The following PKHD1 variants were observed in gnomAD, a reference collection of about 807,000 sequenced individuals.
The protein encoded by PKHD1 is fibrocystin.
PKHD1 carries 291 observed loss-of-function variants against 412.0 expected under a neutral mutation model. The observed-to-expected ratio is 0.71, with a 90% CI of 0.64 to 0.78. PKHD1 has a LOEUF of 0.78. PKHD1 is among the 30% of genes least tolerant of loss of function. The probability of loss-of-function intolerance (pLI) is 0.00; values close to 1 mark genes in which losing one functional copy is unlikely to be tolerated. For missense variants in PKHD1, 4,825 were observed against 4,950.7 expected (o/e 0.97, Z 0.76); for synonymous variants, 1,777 against 1,821.5 (o/e 0.98, Z 0.62).
intron 37 of PKHD1, among the ~76,000 whole-genome samples, chr6:51,926,293 G>A (rs4711990): frequency 2.0e-5 from 3 of 151,864 alleles, no homozygotes; most frequent in Non-Finnish European, 4.4e-5. Flanking sequence ...ACCAAGAGTC[G>A]CAGAGAAACA....
At chr6:51,988,913 A>G (rs561983799) in intron 35 of PKHD1, among the ~76,000 whole-genome samples, 1 of 152,360 alleles carries the variant, frequency 6.6e-6, no homozygotes, top group East Asian at 1.9e-4. Flanking sequence ...AACTTGTGCC[A>G]ACTAACGATG....
chr6:51,746,430 A>C (rs2150972124), intron 59 of PKHD1, among the ~76,000 whole-genome samples: 1 of 152,294 alleles, frequency 6.6e-6, no homozygotes, highest in South Asian at 2.1e-4. Context: ...CTTGCACTTC[A>C]TTACTTCTGC....
intron 49 of PKHD1, 84 bp downstream of exon 49, chr6:51,855,809 C>T: frequency 9.5e-7 from 1 of 1,056,392 alleles, no homozygotes; most frequent in Non-Finnish European, 1.5e-6. Flanking sequence ...ATAACCTGCT[C>T]CTCTTTCAAC....
intron 12 of PKHD1, 83 bp from the exon 13 acceptor site, chr6:52,065,133 T>TTA (rs369093047): frequency 1.1e-3 from 146 of 132,266 alleles, no homozygotes; most frequent in Middle Eastern, 2.9e-3. Flanking sequence ...ATATGTATAA[T>TTA]TATATATATA....
chr6:51,904,919 G>T (rs1395727665), intron 41 of PKHD1, among the ~76,000 whole-genome samples: 1 of 152,150 alleles, frequency 6.6e-6, no homozygotes, highest in Non-Finnish European at 1.5e-5. Flanking sequence ...TGACTTCCCT[G>T]TGGCTGTCCT....
intron 60 of PKHD1, among the ~76,000 whole-genome samples, chr6:51,738,181 C>T (rs1784100777): frequency 6.6e-6 from 1 of 152,236 alleles, no homozygotes; most frequent in South Asian, 2.1e-4. Context: ...TGCACAGCTT[C>T]CTGGCTGCAC....
chr6:51,827,713 A>C (rs1013180853), intron 52 of PKHD1, among the ~76,000 whole-genome samples: 1 of 152,130 alleles, frequency 6.6e-6, no homozygotes, highest in African/African-American at 2.4e-5. Flanking sequence ...TATGTGTTTT[A>C]TTAACCCAGC....
At chr6:51,743,681 C>G (rs1230511732) in intron 60 of PKHD1, among the ~76,000 whole-genome samples, 1 of 151,932 alleles carries the variant, frequency 6.6e-6, no homozygotes, top group Non-Finnish European at 1.5e-5. Context: ...ACAAGGGAGA[C>G]CAGAAAAGAA....
intron 37 of PKHD1, 44 bp downstream of exon 37, chr6:51,934,066 G>GA (rs778592880): frequency 8.3e-6 from 12 of 1,446,578 alleles, no homozygotes; most frequent in Non-Finnish European, 1.2e-5. Flanking sequence ...TCCACTGCTA[G>GA]ACACAGCTCT....
rs368178645 is a variant in PKHD1, at chr6:51,830,889, G to A, written c.8274C>T (p.Gly2758=). Reference sequence around the variant, plus strand: ...GTAAAATGAGAACGTCATCCCCAGGGCCTGGAATGGTATTGTTGTATCCTC... The same window carrying A: ...GTAAAATGAGAACGTCATCCCCAGGACCTGGAATGGTATTGTTGTATCCTC... The part of the protein sequence containing the change: ...GWGGYNNTIP[G]PGDDVLILPN... Residue 2758 remains glycine (G), a synonymous_variant, in exon 52 of 67, where the codon GGC becomes GGT. Coordinates refer to ENST00000371117, the MANE Select transcript of PKHD1 (RefSeq NM_138694.4). 1.2e-6 allele frequency: 2 copies of A among 1,612,730 alleles called. No homozygotes were observed. The highest frequency in any genetic ancestry group is 4.5e-5 in the East Asian group (2 of 44,846).
intron 35 of PKHD1, among the ~76,000 whole-genome samples, chr6:52,005,605 C>A (rs1042101157): frequency 2.0e-5 from 3 of 152,152 alleles, no homozygotes; most frequent in Admixed American, 6.6e-5. Flanking sequence ...CTGAAGATGA[C>A]CTTTCCCAAC....
At chr6:51,818,780 T>A (rs1327842943) in intron 52 of PKHD1, among the ~76,000 whole-genome samples, 2 of 152,118 alleles carry the variant, frequency 1.3e-5, no homozygotes, top group Non-Finnish European at 2.9e-5. Flanking sequence ...TCCTTTCTCC[T>A]TTCTGCTGCC....
At chr6:51,989,384 G>A (rs1026925115) in intron 35 of PKHD1, among the ~76,000 whole-genome samples, 8 of 152,194 alleles carry the variant, frequency 5.3e-5, no homozygotes, top group African/African-American at 1.9e-4. Context: ...TTGGTGCAGT[G>A]ATACTGAGCA....
chr6:51,857,247 C>A (rs1410669064), intron 48 of PKHD1, among the ~76,000 whole-genome samples: 1 of 151,934 alleles, frequency 6.6e-6, no homozygotes. Context: ...TATGACTGTT[C>A]TTCCTCCTTT....
At chr6:51,707,646 C>T (rs563902873) in intron 60 of PKHD1, among the ~76,000 whole-genome samples, 1 of 152,106 alleles carries the variant, frequency 6.6e-6, no homozygotes, top group East Asian at 1.9e-4. Context: ...CTCACCATCC[C>T]TACGTACTCC....
chr6:51,769,916 A>C (rs1789780682), intron 55 of PKHD1, among the ~76,000 whole-genome samples: 1 of 151,724 alleles, frequency 6.6e-6, no homozygotes, highest in African/African-American at 2.4e-5. Flanking sequence ...AAGATAATTT[A>C]TTATACCTTT....
At chr6:51,808,902 C>G (rs753027074) in intron 52 of PKHD1, among the ~76,000 whole-genome samples, 9 of 152,128 alleles carry the variant, frequency 5.9e-5, no homozygotes, top group Non-Finnish European at 1.2e-4. Flanking sequence ...ATAGATTACT[C>G]TCTAGAAAGT....
intron 46 of PKHD1, among the ~76,000 whole-genome samples, 190 bp downstream of exon 46, chr6:51,882,903 T>G (rs778636240): frequency 6.6e-6 from 1 of 152,242 alleles, no homozygotes; most frequent in African/African-American, 2.4e-5. Context: ...ACTAAAGCAC[T>G]GTGTATATAT....
At chr6:51,741,526 G>A (rs1784553746) in intron 60 of PKHD1, among the ~76,000 whole-genome samples, 1 of 152,090 alleles carries the variant, frequency 6.6e-6, no homozygotes, top group African/African-American at 2.4e-5. Context: ...AGAAAAGAAA[G>A]GTAAGCTCCA....
Sources: gnomAD v4.1 joint callset for allele counts (sites outside exome capture counted in the v4.1 genomes callset) on GRCh38, gnomAD v4.1.1 for gene constraint, MANE v1.5 for transcripts, NCBI Gene and HGNC (gene_info 2026-07-23, HGNC 2026-07-21) for gene names.